HPSE2: variants seen among roughly 807,000 people sequenced by gnomAD.
HPSE2 encodes the protein inactive heparanase-2.
A neutral mutation model predicts 60.5 loss-of-function variants in HPSE2; 38 were observed. That is an observed-to-expected ratio of 0.63 (90% CI 0.48 to 0.82). The LOEUF is 0.82. Ranked by LOEUF, HPSE2 falls within the 40% of genes least tolerant of loss-of-function variation. HPSE2 has a pLI of 0.00. For missense variants in HPSE2, 713 were observed against 740.4 expected (o/e 0.96, Z 0.43); for synonymous variants, 295 against 293.2 (o/e 1.01, Z -0.06).
At chr10:98,657,914 G>C (rs907898730) in intron 6 of HPSE2, among the ~76,000 whole-genome samples, 1 of 151,382 alleles carries the variant, frequency 6.6e-6, no homozygotes, top group Admixed American at 6.7e-5. Context: ...AGGACTACCT[G>C]GTATTTTTAG....
intron 3 of HPSE2, among the ~76,000 whole-genome samples, chr10:99,114,222 A>G (rs1844584469): frequency 6.6e-6 from 1 of 152,202 alleles, no homozygotes; most frequent in African/African-American, 2.4e-5. Context: ...TCTGGCCCAC[A>G]CCTGACCTTG....
At chr10:98,682,924 A>G (rs1234268534) in intron 6 of HPSE2, among the ~76,000 whole-genome samples, 1 of 152,184 alleles carries the variant, frequency 6.6e-6, no homozygotes, top group African/African-American at 2.4e-5. Context: ...ACCATCAAGC[A>G]CAGTGAAGGC....
intron 2 of HPSE2, among the ~76,000 whole-genome samples, chr10:99,159,927 A>G (rs1340829762): frequency 1.3e-5 from 2 of 152,052 alleles, no homozygotes; most frequent in African/African-American, 2.4e-5. Flanking sequence ...GATCACTTGA[A>G]GCCAGGGGCT....
intron 3 of HPSE2, among the ~76,000 whole-genome samples, chr10:98,796,254 C>G (rs887560438): frequency 1.3e-5 from 2 of 152,162 alleles, no homozygotes; most frequent in Non-Finnish European, 2.9e-5. Flanking sequence ...GGCTCTTGGA[C>G]AGCATTTCTG....
chr10:98,613,506 C>T (rs866697276), intron 9 of HPSE2, among the ~76,000 whole-genome samples: 5 of 152,314 alleles, frequency 3.3e-5, no homozygotes, highest in Middle Eastern at 3.4e-3. Context: ...AGACGTGGAA[C>T]TGGTGCTGTG....
intron 10 of HPSE2, among the ~76,000 whole-genome samples, chr10:98,484,386 C>T (rs757504064): frequency 6.6e-5 from 10 of 152,166 alleles, no homozygotes; most frequent in African/African-American, 1.2e-4. Flanking sequence ...TACAGGCGTG[C>T]GCCACCACGC....
At chr10:99,264,417 G>T in the HPSE2 span, among the ~76,000 whole-genome samples, 358 of 152,064 alleles carry the variant, frequency 2.4e-3, 2 homozygotes, top group African/African-American at 8.1e-3. Context: ...CATCTTTAAC[G>T]AACAATTGCT....
intron 3 of HPSE2, among the ~76,000 whole-genome samples, chr10:98,764,988 CA>C (rs1950089096): frequency 6.6e-6 from 1 of 152,064 alleles, no homozygotes; most frequent in Non-Finnish European, 1.5e-5. Flanking sequence ...CAAAATATAA[CA>C]ATCCTAAAAG....
intron 3 of HPSE2, among the ~76,000 whole-genome samples, chr10:98,745,857 G>C (rs1180399103): frequency 6.6e-6 from 1 of 152,150 alleles, no homozygotes; most frequent in African/African-American, 2.4e-5. Flanking sequence ...GAGGTCACCA[G>C]AGGTTCTGCA....
intron 3 of HPSE2, among the ~76,000 whole-genome samples, chr10:98,746,794 A>AT (rs915103736): frequency 8.6e-5 from 13 of 151,488 alleles, no homozygotes; most frequent in East Asian, 7.7e-4. Flanking sequence ...ATCTAGTAGG[A>AT]TTTTTTTTTA....
chr10:98,608,891 C>T (rs953205142), intron 9 of HPSE2, among the ~76,000 whole-genome samples: 1 of 151,880 alleles, frequency 6.6e-6, no homozygotes, highest in Non-Finnish European at 1.5e-5. Flanking sequence ...TTTGTGCCTC[C>T]CCCGCCCTAC....
chr10:98,742,784 C>T (rs61884644), intron 4 of HPSE2, among the ~76,000 whole-genome samples: 2 of 61,340 alleles, frequency 3.3e-5, no homozygotes, highest in East Asian at 4.5e-4. Flanking sequence ...TACACACACA[C>T]ACATACATAC....
At chr10:98,714,248 G>A (rs955008685) in intron 5 of HPSE2, among the ~76,000 whole-genome samples, 5 of 151,890 alleles carry the variant, frequency 3.3e-5, no homozygotes, top group African/African-American at 1.2e-4. Flanking sequence ...ACTCAGAGAA[G>A]TGTTCAATTC....
At chr10:98,667,545 CAAATT>C (rs1947397706) in intron 6 of HPSE2, among the ~76,000 whole-genome samples, 1 of 152,042 alleles carries the variant, frequency 6.6e-6, no homozygotes, top group South Asian at 2.1e-4. Flanking sequence ...ATTAGCAAAC[CAAATT>C]TAGCAGCACA....
intron 7 of HPSE2, among the ~76,000 whole-genome samples, chr10:98,628,065 G>A (rs747282568): frequency 1.3e-5 from 2 of 152,194 alleles, no homozygotes; most frequent in African/African-American, 2.4e-5. Context: ...CCAGTTATAT[G>A]AAATGTTTTT....
At chr10:99,074,699 G>A (rs1034185350) in intron 3 of HPSE2, among the ~76,000 whole-genome samples, 4 of 151,960 alleles carry the variant, frequency 2.6e-5, no homozygotes, top group African/African-American at 9.7e-5. Context: ...CTTTTTGTTG[G>A]GAGGTTTTTG....
chr10:98,974,107 A>G (rs1589447693), intron 3 of HPSE2, among the ~76,000 whole-genome samples: 1 of 152,108 alleles, frequency 6.6e-6, no homozygotes, highest in Admixed American at 6.5e-5. Context: ...CCTGGCCAAC[A>G]TGGAAAAACC....
At chr10:98,724,467 G>A (rs1208327154) in intron 4 of HPSE2, among the ~76,000 whole-genome samples, 1 of 152,192 alleles carries the variant, frequency 6.6e-6, no homozygotes, top group Non-Finnish European at 1.5e-5. Context: ...GAGTTCTGTA[G>A]ATGTCTATTA....
intron 2 of HPSE2, among the ~76,000 whole-genome samples, chr10:99,231,344 T>C (rs1030803288): frequency 1.3e-5 from 2 of 152,192 alleles, no homozygotes; most frequent in Non-Finnish European, 1.5e-5. Context: ...AGTTTACTTA[T>C]AAGAAGGAAC....
Sources: gnomAD v4.1 joint callset for allele counts (sites outside exome capture counted in the v4.1 genomes callset) on GRCh38, gnomAD v4.1.1 for gene constraint, MANE v1.5 for transcripts, NCBI Gene and HGNC (gene_info 2026-07-23, HGNC 2026-07-21) for gene names.